SEC14L2: variants seen among roughly 807,000 people sequenced by gnomAD.
SEC14L2 encodes the protein SEC14 like lipid binding 2.
SEC14L2 carries 50 observed loss-of-function variants against 56.9 expected under a neutral mutation model. The observed-to-expected ratio is 0.88, with a 90% CI of 0.70 to 1.11. SEC14L2 has a LOEUF of 1.11. Ranked by LOEUF, SEC14L2 falls within the 50% of genes most tolerant of loss-of-function variation. SEC14L2 has a pLI of 0.00. For synonymous variants in SEC14L2, 179 were observed against 188.5 expected (o/e 0.95, Z 0.41); for missense variants, 414 against 500.7 (o/e 0.83, Z 1.65).
Position 30,416,293 on chromosome 22 carries a change from TGGGAGAGAGGCAGCG to T in SEC14L2, c.974_988del (p.Gly325_Arg329del). 1 of 1,614,216 alleles carries T rather than the reference TGGGAGAGAGGCAGCG, an allele frequency of 6.2e-7. No homozygotes were observed. Among genetic ancestry groups the T allele is most frequent in the Middle Eastern group, 1.6e-4 (1 of 6,062 alleles). On this transcript the variant is annotated inframe_deletion, in exon 11 of 12. Coordinates refer to ENST00000615189, the MANE Select transcript of SEC14L2 (RefSeq NM_012429.5). ...TTTGGGATTTTCCTGAAGACCAAGA[TGGGAGAGAGGCAGCG>T]GGCAGGGGAGATGACAGAGGTGCTG... is the stretch of plus-strand genomic sequence containing the variant.
chr22:30,420,430 C>T (rs1934486851), intron 11 of SEC14L2: 1 of 152,234 alleles, frequency 6.6e-6, no homozygotes, highest in South Asian at 2.1e-4. Context: ...CTCTGATCAA[C>T]CCCTTTCTTG....
At chr22:30,422,081 T>C (rs1204356350) in intron 11 of SEC14L2, among the ~76,000 whole-genome samples, 196 bp from the exon 12 acceptor site, 1 of 152,214 alleles carries the variant, frequency 6.6e-6, no homozygotes, top group Non-Finnish European at 1.5e-5. Flanking sequence ...TTCTGCCTAT[T>C]TTTTTCTCTC....
chr22:30,409,058 A>AGC, intron 5 of SEC14L2, 129 bp from the exon 6 acceptor site: 1 of 841,210 alleles, frequency 1.2e-6, no homozygotes. Flanking sequence ...CAGTTTGGAA[A>AGC]ACTCTAGGTC....
At chr22:30,397,541 C>T in intron 1 of SEC14L2, 1 of 295,484 alleles carries the variant, frequency 3.4e-6, no homozygotes, top group Non-Finnish European at 6.3e-6. Context: ...CCTCCCATTT[C>T]CGGGAGGCTT....
At position 30,422,469 on chromosome 22, in the gene SEC14L2, A is replaced by G; in HGVS notation, c.*62A>G. ...CTCCCTGTCAATTTCTACCCCTTGT[A>G]GCAGTCATTTTCGCACAACCCTGAA... On this transcript the variant is annotated 3_prime_UTR_variant, in exon 12 of 12. Transcript: ENST00000615189. 1 of 1,600,420 alleles carries G rather than the reference A, an allele frequency of 6.2e-7. No homozygotes were observed. Among genetic ancestry groups the G allele is most frequent in the South Asian group, 1.1e-5 (1 of 89,802 alleles).
chr22:30,418,938 A>G (rs941219455), intron 11 of SEC14L2, among the ~76,000 whole-genome samples: 1 of 152,222 alleles, frequency 6.6e-6, no homozygotes, highest in Non-Finnish European at 1.5e-5. Context: ...CCAGTGCACT[A>G]AATTACCAAG....
At chr22:30,398,603 C>G (rs1933826734) in intron 1 of SEC14L2, 1 of 436,676 alleles carries the variant, frequency 2.3e-6, no homozygotes, top group African/African-American at 2.0e-5. Context: ...CGCTTCCTGG[C>G]TTCCCCTACT....
At chr22:30,415,378 A>G (rs766755231) in intron 8 of SEC14L2, among the ~76,000 whole-genome samples, 43 of 152,204 alleles carry the variant, frequency 2.8e-4, no homozygotes, top group Non-Finnish European at 6.0e-4. Context: ...GGTTGCAGTG[A>G]TCCAAGATTG....
chr22:30,419,274 G>A lies in SEC14L2; in HGVS notation c.1081+2871G>A, dbSNP rs144139167. ...CCTTAAAATGACAGAAGTGATGGCC[G>A]GGCGTGGTGGCTCATGCCTGTAATG... On this transcript the variant is annotated intron_variant, in intron 11 of 11. Coordinates refer to ENST00000615189, the MANE Select transcript of SEC14L2 (RefSeq NM_012429.5). Among the ~76,000 whole-genome samples, 29 of 152,294 alleles carry A rather than the reference G, an allele frequency of 1.9e-4. No homozygotes were observed. The East Asian group carries it at 4.4e-3, about 23-fold the overall frequency.
Position 30,409,237 on chromosome 22 carries a change from T to G in SEC14L2, c.474T>G (p.Leu158=). 1 of 1,613,378 alleles carries G rather than the reference T, an allele frequency of 6.2e-7. No individual in the cohort carries two copies. The highest frequency in any genetic ancestry group is 8.5e-7 in the Non-Finnish European group (1 of 1,179,866). Reference sequence around the variant, plus strand: ...CCATAATTTATGACTGCGAGGGGCTTGGCCTCAAGCATCTCTGGAAGCCTG... The same window carrying G: ...CCATAATTTATGACTGCGAGGGGCTGGGCCTCAAGCATCTCTGGAAGCCTG... The part of the protein sequence containing the change: ...TITIIYDCEG[L]GLKHLWKPAV... The change falls in exon 6 of 12, where the codon CTT becomes CTG. Residue 158 remains leucine (L), a synonymous_variant. Transcript: ENST00000615189.
rs1934130526 is a variant in SEC14L2 at position 30,407,536 on chromosome 22, A to G, written c.356A>G (p.Asp119Gly). 6.2e-7 allele frequency: 1 copy of G among 1,614,004 alleles called. No individual in the cohort carries two copies. Among genetic ancestry groups the G allele is most frequent in the African/African-American group, 1.3e-5 (1 of 74,884 alleles). Residue 119 changes from aspartate (D) to glycine (G), a missense_variant, in exon 5 of 12, where the codon GAC (aspartate) becomes GGC (glycine). Physicochemically the swap from Asp to Gly is moderately conservative, Grantham distance 94. Transcript: ENST00000615189. Reference sequence around the variant, plus strand: ...CTGCTGTTCTCAGCCTCCAAACAGGACCTGCTGAGGACCAAGATGCGGGAG... The same window carrying G: ...CTGCTGTTCTCAGCCTCCAAACAGGGCCTGCTGAGGACCAAGATGCGGGAG... ...KGLLFSASKQ[D>G]LLRTKMRECE...
rs549851920 is a variant in SEC14L2, at chr22:30,401,279, G to A, written c.130+1561G>A. On this transcript the variant is annotated intron_variant, in intron 2 of 11. Coordinates refer to ENST00000615189, the MANE Select transcript of SEC14L2 (RefSeq NM_012429.5). Reference sequence around the variant, plus strand: ...GGCTGGAGTGCAATGGTGCAGTCTCGGCTCACTGCCACCTCCACCTCCCAG... The same window carrying A: ...GGCTGGAGTGCAATGGTGCAGTCTCAGCTCACTGCCACCTCCACCTCCCAG... 1.9e-3 allele frequency among the ~76,000 whole-genome samples: 293 copies of A among 150,796 alleles called. 3 individuals are homozygous for A. Among genetic ancestry groups the A allele is most frequent in the African/African-American group, 6.8e-3 (280 of 41,094 alleles).
chr22:30,421,109 C>T (rs540517002), intron 11 of SEC14L2: 5 of 152,118 alleles, frequency 3.3e-5, no homozygotes, highest in Non-Finnish European at 5.9e-5. Flanking sequence ...GGCCCCTGCG[C>T]GAGGATGACA....
At chr22:30,410,780 T>C in intron 8 of SEC14L2, 101 bp downstream of exon 8, 1 of 1,119,648 alleles carries the variant, frequency 8.9e-7, no homozygotes, top group Non-Finnish European at 1.3e-6. Flanking sequence ...GAAAGCTCCC[T>C]CTGCTAGTTT....
At chr22:30,408,866 G>A (rs960372254) in intron 5 of SEC14L2, among the ~76,000 whole-genome samples, 1 of 152,194 alleles carries the variant, frequency 6.6e-6, no homozygotes, top group South Asian at 2.1e-4. Flanking sequence ...GTGGCTCTAC[G>A]GGTACCGTGC....
intron 1 of SEC14L2, chr22:30,397,395 C>T: frequency 2.0e-6 from 1 of 509,398 alleles, no homozygotes; most frequent in Non-Finnish European, 3.4e-6. Flanking sequence ...AAGCTCTGAG[C>T]AGCCGTGGCG....
In SEC14L2 at chr22:30,422,319, A is replaced by G; in HGVS notation, c.1124A>G (p.Lys375Arg). Residue 375 changes from lysine to arginine, a missense_variant, in exon 12 of 12, where the codon AAG becomes AGG. Coordinates refer to ENST00000615189, the MANE Select transcript of SEC14L2 (RefSeq NM_012429.5). ...FDNTYSFIHAKKVNFTVEVLL... is the reference protein window; with the variant it reads ...FDNTYSFIHARKVNFTVEVLL... ...AACACCTACAGCTTCATTCATGCCA[A>G]GAAGGTCAATTTCACTGTGGAGGTC... The G allele has an allele frequency of 6.2e-7, 1 of 1,614,200 alleles. No individual in the cohort carries two copies. The highest frequency in any genetic ancestry group is 8.5e-7 in the Non-Finnish European group (1 of 1,180,030).
chr22:30,399,995 T>G (rs1238724081), intron 2 of SEC14L2, among the ~76,000 whole-genome samples: 1 of 152,212 alleles, frequency 6.6e-6, no homozygotes, highest in Non-Finnish European at 1.5e-5. Flanking sequence ...GCCCACAGCC[T>G]TTTCCATCTA....
At chr22:30,397,504 C>T in intron 1 of SEC14L2, 2 of 329,932 alleles carry the variant, frequency 6.1e-6, no homozygotes, top group Non-Finnish European at 1.1e-5. Flanking sequence ...GGCCCTGGGG[C>T]AGGGGCAGGG....
Sources: allele counts gnomAD v4.1 joint callset (sites outside exome capture counted in the v4.1 genomes callset), GRCh38; gene constraint gnomAD v4.1.1; transcripts MANE v1.5; gene names NCBI Gene and HGNC (gene_info 2026-07-23, HGNC 2026-07-21).